SIX5: variants seen among roughly 807,000 people sequenced by gnomAD.
SIX5 encodes homeobox protein SIX5.
A neutral mutation model predicts 37.1 loss-of-function variants in SIX5; 21 were observed. The observed-to-expected ratio is 0.57, with a 90% CI of 0.40 to 0.81. The LOEUF is 0.81. Among genes scored for constraint, SIX5 ranks in the 40% least tolerant of loss-of-function variants. The pLI is 0.00. For synonymous variants in SIX5, 626 were observed against 505.9 expected (o/e 1.24, Z -3.19); for missense variants, 1,137 against 1,025.1 (o/e 1.11, Z -1.49).
intron 1 of SIX5, among the ~76,000 whole-genome samples, chr19:45,767,639 C>A (rs1011723891): frequency 6.6e-6 from 1 of 152,162 alleles, no homozygotes; most frequent in African/African-American, 2.4e-5. Context: ...GCCGTCCGGG[C>A]CCGGAGGGAG....
Position 45,766,580 on chromosome 19 carries a change from G to C in SIX5, c.1379C>G (p.Pro460Arg). The change falls in exon 2 of 3, where the codon CCG becomes CGG. Residue 460 changes from proline to arginine, a missense_variant. Pro to Arg is a moderately radical substitution (Grantham distance 103). Around this residue, in one of 3 missense-constraint regions of SIX5, gnomAD observed 787 missense variants for 621.4 expected, o/e 1.27. Transcript: ENST00000317578. ...APQVVPLSPP[P>R]GYPTGLSPTS... ...GGGGCTCAGGCCCGTGGGATACCCC[G>C]GGGGTGGGGAGAGCGGTACCACTTG... is the stretch of plus-strand genomic sequence containing the variant. 1 of 1,471,068 alleles carries C rather than the reference G, an allele frequency of 6.8e-7. No individual in the cohort carries two copies. The highest frequency in any genetic ancestry group is 9.0e-7 in the Non-Finnish European group (1 of 1,105,780). The allele number at this position is 1,471,068 out of a possible 1,614,324, so 91.1% of individuals were successfully genotyped here. A position where few individuals can be genotyped will look rare whatever the true frequency, so the allele number is the denominator to read the frequency against.
rs1322421796 is a variant in SIX5, at chr19:45,768,934, C to T, written c.-90G>A. ...CCCCCACCTGTCCCCCCTTTTCGCC[C>T]CCACTCCCCGCTCTTCTCGATCTTC... is the stretch of plus-strand genomic sequence containing the variant. On this transcript the variant is annotated 5_prime_UTR_variant, in exon 1 of 3. Transcript: ENST00000317578. The T allele has an allele frequency of 3.2e-6, 4 of 1,240,166 alleles. No individual in the cohort carries two copies. In the African/African-American group the frequency reaches 4.6e-5, roughly 14 times the overall value. 76.8% of individuals were successfully genotyped at this position (1,240,166 alleles called of 1,614,324 possible). A position where few individuals can be genotyped will look rare whatever the true frequency, so the allele number is the denominator to read the frequency against.
chr19:45,768,004 C>G, intron 1 of SIX5, 38 bp downstream of exon 1: 1 of 1,583,180 alleles, frequency 6.3e-7, no homozygotes, highest in African/African-American at 1.3e-5. Flanking sequence ...CGGGATGTCC[C>G]CGGGAGAGCT....
Position 45,768,436 on chromosome 19 carries a change from G to C in SIX5, c.409C>G (p.Arg137Gly). Residue 137 changes from arginine (R) to glycine (G), a missense_variant, in exon 1 of 3, where the codon CGG becomes GGG. By Grantham distance (125) the Arg-to-Gly change is moderately radical. This residue lies in a region of SIX5 where 331 missense variants were observed against 360.9 expected (regional missense o/e 0.92). Transcript: ENST00000317578. ...CGGTAGAGCTCGGCGTACTCGCCCC[G>C]CTGGAAGGCCACCAGGGCCCGCGCG... ...LRARALVAFQ[R>G]GEYAELYRLL... 6.5e-7 allele frequency: 1 copy of C among 1,536,798 alleles called. No homozygotes were observed. Among genetic ancestry groups the C allele is most frequent in the South Asian group, 1.2e-5 (1 of 84,492 alleles).
chr19:45,765,724 GACCAGAC>G lies in SIX5; in HGVS notation c.1990_1996del (p.Val664GlnfsTer6), dbSNP rs1969055054. ...TCCTGCGCTTAGTTCCAGCCCTGCT[GACCAGAC>G]AGGCACGGCCGCGGGTGACAACATC... is the stretch of plus-strand genomic sequence containing the variant. On this transcript the variant is annotated frameshift_variant, in exon 3 of 3. Transcript: ENST00000317578. LOFTEE classifies it high-confidence loss of function. The G allele has an allele frequency of 6.2e-7, 1 of 1,612,686 alleles. No individual in the cohort carries two copies. Among genetic ancestry groups the G allele is most frequent in the Admixed American group, 1.7e-5 (1 of 60,028 alleles).
At chr19:45,767,763 G>GC (rs972814120) in intron 1 of SIX5, 2 of 538,256 alleles carry the variant, frequency 3.7e-6, no homozygotes, top group African/African-American at 2.0e-5. Flanking sequence ...TCCCTCTAGT[G>GC]CCCCCCGCAG....
rs1969145566 is a variant in SIX5 at position 45,768,675 on chromosome 19, G to A, written c.170C>T (p.Ala57Val). The A allele has an allele frequency of 2.6e-6, 3 of 1,171,322 alleles. No homozygotes were observed. The highest frequency in any genetic ancestry group is 3.1e-6 in the Non-Finnish European group (3 of 954,088). The allele number at this position is 1,171,322 out of a possible 1,614,324, so 72.6% of individuals were successfully genotyped here. The part of the protein sequence containing the change: ...AAAAGAGAGA[A>V]AAGAEGPGSP... ...TCCCGGGCCCTCAGCTCCCGCAGCC[G>A]CTGCGCCCGCCCCGGCCCCGGCCGC... Residue 57 changes from alanine (A) to valine (V), a missense_variant, in exon 1 of 3, where the codon GCG (alanine) becomes GTG (valine). Physicochemically the swap from Ala to Val is moderately conservative, Grantham distance 64. Around this residue, in one of 3 missense-constraint regions of SIX5, gnomAD observed 331 missense variants for 360.9 expected, o/e 0.92. Transcript: ENST00000317578.
In SIX5 at chr19:45,765,491, C is replaced by T; in HGVS notation, c.*10G>A. On this transcript the variant is annotated 3_prime_UTR_variant, in exon 3 of 3. Coordinates refer to ENST00000317578, the MANE Select transcript of SIX5 (RefSeq NM_175875.5). Reference sequence around the variant, plus strand: ...ACCAATGTCGGGAGAGGCCACGGGGCCACACTGGGTCACAGTTCCAAGGGC... The same window carrying T: ...ACCAATGTCGGGAGAGGCCACGGGGTCACACTGGGTCACAGTTCCAAGGGC... The T allele has an allele frequency of 6.2e-7, 1 of 1,613,254 alleles. No homozygotes were observed. Among genetic ancestry groups the T allele is most frequent in the South Asian group, 1.1e-5 (1 of 91,080 alleles).
chr19:45,767,917 G>C, intron 1 of SIX5, 125 bp downstream of exon 1: 1 of 1,060,656 alleles, frequency 9.4e-7, no homozygotes, highest in Non-Finnish European at 1.3e-6. Flanking sequence ...CTGAGATTGT[G>C]AGCTGGTCCC....
rs1419473633 is a variant in SIX5, at chr19:45,767,239, C to T, written c.804-84G>A. 5 of 1,434,406 alleles carry T rather than the reference C, an allele frequency of 3.5e-6. No homozygotes were observed. In the African/African-American group the frequency reaches 7.0e-5, roughly 20 times the overall value. 88.9% of individuals were successfully genotyped at this position (1,434,406 alleles called of 1,614,324 possible). On this transcript the variant is annotated intron_variant, in intron 1 of 2. Transcript: ENST00000317578. ...CCAGCCAGCTGCTCCCCCACCTTTC[C>T]CTGGCCCAAGTTTCGGTGGATCATT...
At position 45,768,740 on chromosome 19, in the gene SIX5, G is replaced by A. The variant is rs1969150282; in HGVS notation, c.105C>T (p.Leu35=). 6 of 1,516,402 alleles carry A rather than the reference G, an allele frequency of 4.0e-6. No individual in the cohort carries two copies. Among genetic ancestry groups the A allele is most frequent in the South Asian group, 1.2e-5 (1 of 81,778 alleles). The allele number at this position is 1,516,402 out of a possible 1,614,324, so 93.9% of individuals were successfully genotyped here. Residue 35 remains leucine (L), a synonymous_variant, in exon 1 of 3, where the codon CTC becomes CTT. Coordinates refer to ENST00000317578, the MANE Select transcript of SIX5 (RefSeq NM_175875.5). ...TEEEEEEARQ[L]LQTLQAAEGE... ...CCTCGGCCGCCTGCAAAGTCTGCAA[G>A]AGCTGGCGCGCTTCCTCCTCCTCCT...
rs1969047066 is a variant in SIX5 at position 45,765,369 on chromosome 19, G to A, written c.*132C>T. The A allele has an allele frequency of 5.9e-6, 8 of 1,345,954 alleles. No individual in the cohort carries two copies. The South Asian group carries it at 9.4e-5, about 16-fold the overall frequency. 83.4% of individuals were successfully genotyped at this position (1,345,954 alleles called of 1,614,324 possible). Reference sequence around the variant, plus strand: ...ACAACCCCCAGCACCACCAGGGCTTGGAGAGGCCACCCAGGCAGAAGGATG... The same window carrying A: ...ACAACCCCCAGCACCACCAGGGCTTAGAGAGGCCACCCAGGCAGAAGGATG... On this transcript the variant is annotated 3_prime_UTR_variant, in exon 3 of 3. Coordinates refer to ENST00000317578, the MANE Select transcript of SIX5 (RefSeq NM_175875.5).
chr19:45,764,954 G>A lies in SIX5; in HGVS notation c.*547C>T, dbSNP rs1460356348. 1.1e-5 allele frequency: 2 copies of A among 187,990 alleles called. No individual in the cohort carries two copies. The highest frequency in any genetic ancestry group is 2.3e-5 in the African/African-American group (1 of 42,984). 11.6% of individuals were successfully genotyped at this position (187,990 alleles called of 1,614,324 possible). ...AGGACAAGGGCTTGAGTCGAGGGGA[G>A]CTGGTGAAGGAAGACCCCCGTCTCC... On this transcript the variant is annotated 3_prime_UTR_variant, in exon 3 of 3. Transcript: ENST00000317578.
Position 45,765,303 on chromosome 19 carries a change from C to A in SIX5, c.*198G>T. ...GGGCTGTAACAGAGAGGCCTCCCAT[C>A]CAAAGGGGGATGGAGACCTGGACAG... is the stretch of plus-strand genomic sequence containing the variant. On this transcript the variant is annotated 3_prime_UTR_variant, in exon 3 of 3. Transcript: ENST00000317578. The A allele has an allele frequency of 1.3e-6, 1 of 749,602 alleles. No homozygotes were observed. Among genetic ancestry groups the A allele is most frequent in the South Asian group, 1.5e-5 (1 of 64,772 alleles). The allele number at this position is 749,602 out of a possible 1,614,324, so 46.4% of individuals were successfully genotyped here.
Position 45,769,113 on chromosome 19 carries a change from A to C in SIX5, c.-269T>G. On this transcript the variant is annotated 5_prime_UTR_variant, in exon 1 of 3. Transcript: ENST00000317578. Reference sequence around the variant, plus strand: ...CTGGCCGCGCTTTCTGCCTCCCCCCAGCGTGTGCTTCTGGCTCAGGGCCTC... The same window carrying C: ...CTGGCCGCGCTTTCTGCCTCCCCCCCGCGTGTGCTTCTGGCTCAGGGCCTC... The C allele has an allele frequency of 1.0e-5, 5 of 482,548 alleles. No individual in the cohort carries two copies. Among genetic ancestry groups the C allele is most frequent in the Non-Finnish European group, 1.5e-5 (4 of 269,054 alleles). The allele number at this position is 482,548 out of a possible 1,614,324, so 29.9% of individuals were successfully genotyped here.
Position 45,768,708 on chromosome 19 carries a change from G to T in SIX5, c.137C>A (p.Ala46Glu). 1 of 1,372,458 alleles carries T rather than the reference G, an allele frequency of 7.3e-7. No homozygotes were observed. The highest frequency in any genetic ancestry group is 9.4e-7 in the Non-Finnish European group (1 of 1,066,946). 85.0% of individuals were successfully genotyped at this position (1,372,458 alleles called of 1,614,324 possible). The change falls in exon 1 of 3, where the codon GCG (alanine) becomes GAG (glutamate). Residue 46 changes from alanine (A) to glutamate (E), a missense_variant. By Grantham distance (107) the Ala-to-Glu change is moderately radical (BLOSUM62 -1). This residue lies in a region of SIX5 where 331 missense variants were observed against 360.9 expected (regional missense o/e 0.92). Transcript: ENST00000317578. The stretch of plus-strand genomic sequence containing the variant: ...CGCCCCGGCCCCGGCCGCCGCCGCC[G>T]CCTCACCCTCGGCCGCCTGCAAAGT... ...LQTLQAAEGE[A>E]AAAAGAGAGA...
In SIX5 at chr19:45,765,810, G is replaced by C; in HGVS notation, c.1911C>G (p.Ser637=). 1 of 1,603,988 alleles carries C rather than the reference G, an allele frequency of 6.2e-7. No homozygotes were observed. Among genetic ancestry groups the C allele is most frequent in the Non-Finnish European group, 8.5e-7 (1 of 1,179,814 alleles). The change falls in exon 3 of 3, where the codon TCC becomes TCG. Residue 637 remains serine, a synonymous_variant. Coordinates refer to ENST00000317578, the MANE Select transcript of SIX5 (RefSeq NM_175875.5). ...ATTSSTSLPF[S]PDSPGLLPNF... ...TGGGCAGGAGGCCAGGGGAGTCAGG[G>C]GAGAAGGGCAGGCTGGTGCTGGAGG...
At chr19:45,767,411 C>T (rs879785006) in intron 1 of SIX5, among the ~76,000 whole-genome samples, 1 of 152,206 alleles carries the variant, frequency 6.6e-6, no homozygotes, top group Admixed American at 6.5e-5. Flanking sequence ...AGGCTGAGCT[C>T]CCAGGTTGCC....
chr19:45,768,007 G>A, intron 1 of SIX5, 35 bp downstream of exon 1: 2 of 1,584,874 alleles, frequency 1.3e-6, no homozygotes, highest in Non-Finnish European at 1.7e-6. Flanking sequence ...GATGTCCCCG[G>A]GAGAGCTGGA....
Sources: allele counts gnomAD v4.1 joint callset (sites outside exome capture counted in the v4.1 genomes callset), GRCh38; gene constraint gnomAD v4.1.1; regional missense constraint gnomAD v4.1.1; transcripts MANE v1.5; gene names NCBI Gene and HGNC (gene_info 2026-07-23, HGNC 2026-07-21).